Variants in UBE2H observed in about 807,000 individuals in gnomAD.
UBE2H encodes ubiquitin-conjugating enzyme E2 H.
In UBE2H, 3 loss-of-function variants were observed where a neutral mutation model predicts 29.0. The observed-to-expected ratio is 0.10, with a 90% confidence interval of 0.05 to 0.27. The LOEUF (loss-of-function observed/expected upper bound fraction) is 0.27. Among genes scored for constraint, UBE2H ranks in the 10% least tolerant of loss-of-function variants. UBE2H has a pLI of 1.00. For missense variants in UBE2H, 68 were observed against 228.2 expected (o/e 0.30, Z 4.52); for synonymous variants, 69 against 82.9 (o/e 0.83, Z 0.91).
chr7:129,928,800 A>C, intron 1 of UBE2H, among the ~76,000 whole-genome samples: 1 of 152,234 alleles, frequency 6.6e-6, no homozygotes, highest in East Asian at 1.9e-4. Flanking sequence ...ATATATATAC[A>C]TATATAAAGA....
chr7:129,839,174 T>C (rs1441706584), intron 6 of UBE2H, 33 bp downstream of exon 6: 1 of 1,599,738 alleles, frequency 6.3e-7, no homozygotes, highest in Non-Finnish European at 8.5e-7. Flanking sequence ...TTTAAGTTCT[T>C]TTGTCTCCAG....
intron 1 of UBE2H, among the ~76,000 whole-genome samples, chr7:129,944,917 T>C (rs1212011370): frequency 2.6e-5 from 4 of 151,424 alleles, no homozygotes; most frequent in African/African-American, 7.3e-5. Flanking sequence ...CATAAACAAA[T>C]TGTGGTATAT....
intron 1 of UBE2H, 34 bp downstream of exon 1, chr7:129,952,469 A>C (rs773020152): frequency 2.5e-6 from 4 of 1,607,242 alleles, no homozygotes; most frequent in East Asian, 2.2e-5. Flanking sequence ...ACCGCCCCCC[A>C]CACACAGCCC....
Position 129,854,068 on chromosome 7 carries a change from T to TTTTTTTTTTATTTTTTATTTA in UBE2H, c.298+3442_298+3443insTAAATAAAAAATAAAAAAAAA, listed in dbSNP as rs1554430951. Among the ~76,000 whole-genome samples, 4 of 148,820 alleles carry TTTTTTTTTTATTTTTTATTTA rather than the reference T, an allele frequency of 2.7e-5. No individual in the cohort carries two copies. In the East Asian group the frequency reaches 5.9e-4, roughly 22 times the overall value. On this transcript the variant is annotated intron_variant, in intron 5 of 6. Transcript: ENST00000355621. ...TTAGTTATTTAGTGTTAGTTTTTTT[T>TTTTTTTTTTATTTTTTATTTA]TTTTTTTTTTTTTTGGCGGGGCAGG...
At chr7:129,939,242 C>G (rs1454079371) in intron 1 of UBE2H, among the ~76,000 whole-genome samples, 1 of 152,168 alleles carries the variant, frequency 6.6e-6, no homozygotes, top group Non-Finnish European at 1.5e-5. Flanking sequence ...TATTCACAGG[C>G]ACAGTCATTG....
chr7:129,867,730 A>C (rs1222509482), intron 3 of UBE2H, among the ~76,000 whole-genome samples: 2 of 131,140 alleles, frequency 1.5e-5, no homozygotes, highest in East Asian at 2.1e-4. Flanking sequence ...AAACCAAAAA[A>C]AAAAAAAAAA....
At chr7:129,863,808 G>GTTTTTTTTTTTGTTTGTTTT (rs1554432032) in intron 3 of UBE2H, among the ~76,000 whole-genome samples, 25 of 136,042 alleles carry the variant, frequency 1.8e-4, no homozygotes, top group African/African-American at 5.8e-4. Context: ...AATACTAGGT[G>GTTTTTTTTTTTGTTTGTTTT]TTTTTTTTTT....
intron 6 of UBE2H, among the ~76,000 whole-genome samples, chr7:129,835,645 T>G (rs1361189811): frequency 6.6e-6 from 1 of 152,210 alleles, no homozygotes; most frequent in East Asian, 1.9e-4. Flanking sequence ...ATGTATAATT[T>G]ACCTGAAGGT....
At chr7:129,838,030 C>T (rs966913793) in intron 6 of UBE2H, among the ~76,000 whole-genome samples, 3 of 152,198 alleles carry the variant, frequency 2.0e-5, no homozygotes, top group East Asian at 3.8e-4. Flanking sequence ...GCAGACATTG[C>T]TAAGTGATTC....
intron 1 of UBE2H, among the ~76,000 whole-genome samples, chr7:129,907,302 A>G (rs1244932288): frequency 6.6e-6 from 1 of 152,084 alleles, no homozygotes; most frequent in Admixed American, 6.5e-5. Context: ...AGCTGTCGGG[A>G]TGCAGAAGTA....
intron 3 of UBE2H, among the ~76,000 whole-genome samples, chr7:129,867,798 C>A (rs1369924581): frequency 3.5e-5 from 5 of 142,950 alleles, no homozygotes; most frequent in African/African-American, 1.3e-4. Flanking sequence ...AAAAAAACAT[C>A]CTGACTGCAT....
chr7:129,921,655 C>T (rs866258387), intron 1 of UBE2H, among the ~76,000 whole-genome samples: 34 of 144,482 alleles, frequency 2.4e-4, no homozygotes, highest in Admixed American at 2.9e-4. Flanking sequence ...GCTGAGATCA[C>T]GCCACTGCAT....
intron 6 of UBE2H, among the ~76,000 whole-genome samples, chr7:129,837,493 G>A (rs746444990): frequency 1.3e-5 from 2 of 152,052 alleles, no homozygotes; most frequent in African/African-American, 4.8e-5. Flanking sequence ...GAGGACGCAA[G>A]AAGTTTGAAA....
Position 129,834,688 on chromosome 7 carries a change from T to G in UBE2H, c.*249A>C. The G allele has an allele frequency of 2.7e-6, 1 of 366,142 alleles. No individual in the cohort carries two copies. The highest frequency in any genetic ancestry group is 4.1e-5 in the Admixed American group (1 of 24,508). The allele number at this position is 366,142 out of a possible 1,614,324, so 22.7% of individuals were successfully genotyped here. A position where few individuals can be genotyped will look rare whatever the true frequency, so the allele number is the denominator to read the frequency against. On this transcript the variant is annotated 3_prime_UTR_variant, in exon 7 of 7. Coordinates refer to ENST00000355621, the MANE Select transcript of UBE2H (RefSeq NM_003344.4). Reference sequence around the variant, plus strand: ...AGGCTGACTTGGCCACATGGACTCATGAATGCATGCATTCAGACCGCATAT... The same window carrying G: ...AGGCTGACTTGGCCACATGGACTCAGGAATGCATGCATTCAGACCGCATAT...
intron 1 of UBE2H, among the ~76,000 whole-genome samples, chr7:129,933,245 AAACAC>A (rs1386970086): frequency 9.8e-5 from 15 of 152,348 alleles, no homozygotes; most frequent in African/African-American, 3.1e-4. Context: ...AGGTAAAAAT[AAACAC>A]AACATAAAGG....
At chr7:129,933,273 T>C (rs1807445925) in intron 1 of UBE2H, among the ~76,000 whole-genome samples, 1 of 152,150 alleles carries the variant, frequency 6.6e-6, no homozygotes, top group Admixed American at 6.6e-5. Context: ...CTTAATGAAG[T>C]CCTGAGCAAA....
chr7:129,940,501 A>C (rs189570363), intron 1 of UBE2H, among the ~76,000 whole-genome samples: 130 of 152,312 alleles, frequency 8.5e-4, no homozygotes, highest in African/African-American at 3.0e-3. Context: ...AGTCCAGCCA[A>C]GCCTCTCCCT....
intron 1 of UBE2H, among the ~76,000 whole-genome samples, chr7:129,887,382 C>A (rs143302476): frequency 0.062 from 9,378 of 151,844 alleles, 358 homozygotes; most frequent in Non-Finnish European, 0.091. Flanking sequence ...CCACCACACC[C>A]GGCTAATTTT....
chr7:129,933,558 T>C (rs1807451567), intron 1 of UBE2H, among the ~76,000 whole-genome samples: 1 of 152,168 alleles, frequency 6.6e-6, no homozygotes, highest in African/African-American at 2.4e-5. Context: ...CTATAAGGTA[T>C]TAGCATTTAG....
Sources: allele counts gnomAD v4.1 joint callset (sites outside exome capture counted in the v4.1 genomes callset), GRCh38; gene constraint gnomAD v4.1.1; transcripts MANE v1.5; gene names NCBI Gene and HGNC (gene_info 2026-07-23, HGNC 2026-07-21).